The following SGCZ variants were observed in gnomAD, a reference collection of about 807,000 sequenced individuals.
SGCZ encodes zeta-sarcoglycan.
Under a neutral mutation model 41.3 loss-of-function variants are expected in SGCZ, and 40 were observed. The observed-to-expected ratio is 0.97, with a 90% CI of 0.75 to 1.26. SGCZ has a LOEUF of 1.26. SGCZ is among the 50% of genes most tolerant of loss of function. The pLI is 0.00. For synonymous variants in SGCZ, 206 were observed against 137.5 expected, an observed-to-expected ratio of 1.50 and a Z score of -3.49; for missense variants, 552 against 369.8, an observed-to-expected ratio of 1.49 and a Z score of -4.04.
intron 2 of SGCZ, among the ~76,000 whole-genome samples, chr8:14,400,976 T>G (rs1799055556): frequency 6.6e-6 from 1 of 152,136 alleles, no homozygotes; most frequent in Non-Finnish European, 1.5e-5. Flanking sequence ...AACCATAATA[T>G]GTGAAGTCCT....
At chr8:15,009,453 G>T (rs1252540457) in intron 1 of SGCZ, among the ~76,000 whole-genome samples, 9 of 152,066 alleles carry the variant, frequency 5.9e-5, no homozygotes, top group African/African-American at 2.2e-4. Context: ...AATCCAAACC[G>T]TATCACATAG....
At chr8:15,098,486 CT>C (rs1563124614) in intron 1 of SGCZ, among the ~76,000 whole-genome samples, 1 of 152,170 alleles carries the variant, frequency 6.6e-6, no homozygotes, top group African/African-American at 2.4e-5. Flanking sequence ...TCTCCTAACT[CT>C]TTTGCTCCAC....
At chr8:14,831,242 G>A (rs561295287) in intron 1 of SGCZ, among the ~76,000 whole-genome samples, 1 of 152,266 alleles carries the variant, frequency 6.6e-6, no homozygotes, top group African/African-American at 2.4e-5. Context: ...AAATACTCAT[G>A]GTGTTTCAGT....
At chr8:14,514,187 T>C (rs1802546188) in intron 2 of SGCZ, among the ~76,000 whole-genome samples, 1 of 152,106 alleles carries the variant, frequency 6.6e-6, no homozygotes. Flanking sequence ...ATTATAATGA[T>C]AACTCTTCTG....
At chr8:14,519,679 G>A (rs1319998628) in intron 2 of SGCZ, among the ~76,000 whole-genome samples, 2 of 152,046 alleles carry the variant, frequency 1.3e-5, no homozygotes, top group East Asian at 3.9e-4. Flanking sequence ...TGAAAACTCA[G>A]TCTCGGCTGT....
intron 1 of SGCZ, among the ~76,000 whole-genome samples, chr8:14,943,655 G>C (rs983732218): frequency 6.6e-6 from 1 of 152,042 alleles, no homozygotes; most frequent in Non-Finnish European, 1.5e-5. Context: ...TGGGGGTTTG[G>C]TGTACAAATT....
At chr8:14,667,436 C>T (rs1467323451) in intron 1 of SGCZ, among the ~76,000 whole-genome samples, 1 of 152,130 alleles carries the variant, frequency 6.6e-6, no homozygotes, top group Non-Finnish European at 1.5e-5. Flanking sequence ...TCATCGAACC[C>T]TGGACTCATG....
intron 1 of SGCZ, among the ~76,000 whole-genome samples, chr8:14,941,219 C>G (rs988020508): frequency 6.6e-6 from 1 of 151,906 alleles, no homozygotes; most frequent in African/African-American, 2.4e-5. Flanking sequence ...TGAAAAACGC[C>G]AAGTTTTATC....
At chr8:15,234,936 A>T (rs1802075250) in intron 1 of SGCZ, among the ~76,000 whole-genome samples, 2 of 152,212 alleles carry the variant, frequency 1.3e-5, no homozygotes, top group Non-Finnish European at 2.9e-5. Context: ...ACATTTATTT[A>T]TGTATCAAAC....
intron 1 of SGCZ, among the ~76,000 whole-genome samples, chr8:15,042,208 T>C (rs951864113): frequency 2.6e-5 from 4 of 152,150 alleles, no homozygotes; most frequent in African/African-American, 7.2e-5. Flanking sequence ...AAGTCAACCA[T>C]GTGTAGACCA....
intron 2 of SGCZ, among the ~76,000 whole-genome samples, chr8:14,544,326 T>C (rs915624210): frequency 6.6e-6 from 1 of 152,060 alleles, no homozygotes; most frequent in Non-Finnish European, 1.5e-5. Context: ...TTGTAAAACA[T>C]GTGTGTTTGA....
At chr8:15,165,161 A>C (rs1799625848) in intron 1 of SGCZ, among the ~76,000 whole-genome samples, 1 of 152,088 alleles carries the variant, frequency 6.6e-6, no homozygotes, top group Admixed American at 6.5e-5. Flanking sequence ...GTGGTGGTAC[A>C]TGCCTGTAAT....
intron 1 of SGCZ, among the ~76,000 whole-genome samples, chr8:14,704,762 C>T (rs1809276941): frequency 6.6e-6 from 1 of 151,836 alleles, no homozygotes; most frequent in Non-Finnish European, 1.5e-5. Context: ...AGATGCTACT[C>T]CCTTCCTTCT....
intron 2 of SGCZ, among the ~76,000 whole-genome samples, chr8:14,378,030 T>G (rs1804201795): frequency 6.7e-6 from 1 of 149,292 alleles, no homozygotes; most frequent in African/African-American, 2.5e-5. Flanking sequence ...TTTATAGTCC[T>G]TTGGGCATAT....
chr8:14,217,385 C>A (rs80121651), intron 4 of SGCZ, among the ~76,000 whole-genome samples: 5,548 of 147,950 alleles, frequency 0.037, 350 homozygotes, highest in African/African-American at 0.13. Context: ...CTGGTTAAAT[C>A]TAAAGAAACG....
At chr8:14,504,388 T>G (rs1174314618) in intron 2 of SGCZ, among the ~76,000 whole-genome samples, 1 of 152,218 alleles carries the variant, frequency 6.6e-6, no homozygotes, top group Non-Finnish European at 1.5e-5. Flanking sequence ...TAAGGAAACC[T>G]TCATAAAACC....
intron 3 of SGCZ, among the ~76,000 whole-genome samples, chr8:14,254,640 C>T (rs1321338694): frequency 6.6e-6 from 1 of 152,156 alleles, no homozygotes; most frequent in African/African-American, 2.4e-5. Context: ...ACATTAAGAA[C>T]ATTAACAAGA....
intron 1 of SGCZ, among the ~76,000 whole-genome samples, chr8:14,862,602 T>A (rs1803794024): frequency 7.7e-6 from 1 of 129,890 alleles, no homozygotes. Flanking sequence ...TTGCAAAACA[T>A]ACATTTTATA....
At chr8:14,603,709 T>C (rs1452440141) in intron 1 of SGCZ, among the ~76,000 whole-genome samples, 1 of 152,158 alleles carries the variant, frequency 6.6e-6, no homozygotes, top group East Asian at 1.9e-4. Flanking sequence ...AGCAGTTATC[T>C]GTTGTTGTTA....
Sources: gnomAD v4.1 joint callset for allele counts (sites outside exome capture counted in the v4.1 genomes callset) on GRCh38, gnomAD v4.1.1 for gene constraint, MANE v1.5 for transcripts, NCBI Gene and HGNC (gene_info 2026-07-23, HGNC 2026-07-21) for gene names.